The following PACRG variants were observed in gnomAD, a reference collection of about 807,000 sequenced individuals.
The protein encoded by PACRG is parkin coregulated gene protein.
In PACRG, 29 loss-of-function variants were observed where a neutral mutation model predicts 29.7. The observed-to-expected ratio is 0.98, with a 90% CI of 0.73 to 1.33. PACRG has a LOEUF of 1.33. Among genes scored for constraint, PACRG ranks in the 40% most tolerant of loss-of-function variants. PACRG has a pLI of 0.00. For synonymous variants in PACRG, 116 were observed against 118.7 expected (o/e 0.98, Z 0.15); for missense variants, 279 against 316.2 (o/e 0.88, Z 0.89).
At chr6:162,948,544 A>G (rs959819902) in intron 2 of PACRG, among the ~76,000 whole-genome samples, 1 of 152,154 alleles carries the variant, frequency 6.6e-6, no homozygotes, top group Non-Finnish European at 1.5e-5. Context: ...AAATTGGACT[A>G]TATCAAACTA....
chr6:163,153,506 T>C (rs1310447787), intron 4 of PACRG, among the ~76,000 whole-genome samples: 1 of 152,246 alleles, frequency 6.6e-6, no homozygotes, highest in African/African-American at 2.4e-5. Flanking sequence ...AAATGGTGAA[T>C]TTTGTCATTG....
At chr6:163,078,813 T>G (rs1812798277) in intron 3 of PACRG, among the ~76,000 whole-genome samples, 1 of 152,202 alleles carries the variant, frequency 6.6e-6, no homozygotes, top group South Asian at 2.1e-4. Flanking sequence ...TCACTATTAC[T>G]AGTGGCTTAT....
intron 2 of PACRG, chr6:163,053,902 A>G (rs913182586): frequency 6.6e-6 from 1 of 152,186 alleles, no homozygotes; most frequent in Non-Finnish European, 1.5e-5. Flanking sequence ...TTAAAATTCA[A>G]TGCATGCCTA....
rs148617495 is a variant in PACRG, at chr6:163,139,041, A to G, written c.613+49633A>G. On this transcript the variant is annotated intron_variant, in intron 4 of 4. Coordinates refer to ENST00000366888, the MANE Select transcript of PACRG (RefSeq NM_001080379.2). ...TAGTTTCCTGTGGCTGCTGTAACAGATGACCACAAACTTGGTGGCTTGCAG... is the reference window on the plus strand; with the variant it reads ...TAGTTTCCTGTGGCTGCTGTAACAGGTGACCACAAACTTGGTGGCTTGCAG... 8.5e-5 allele frequency among the ~76,000 whole-genome samples: 13 copies of G among 152,354 alleles called. No homozygotes were observed. The East Asian group carries it at 2.5e-3, about 29-fold the overall frequency.
chr6:162,863,330 G>A (rs150650059), intron 2 of PACRG, among the ~76,000 whole-genome samples: 2,661 of 152,308 alleles, frequency 0.017, 45 homozygotes, highest in Admixed American at 0.034. Flanking sequence ...TCCCTCCAGC[G>A]CAGTGATTGA....
chr6:163,132,256 T>G (rs1816770683), intron 4 of PACRG, among the ~76,000 whole-genome samples: 1 of 152,222 alleles, frequency 6.6e-6, no homozygotes, highest in Non-Finnish European at 1.5e-5. Context: ...TTAACATGAC[T>G]TTTTAATAGC....
intron 2 of PACRG, among the ~76,000 whole-genome samples, chr6:162,958,977 G>T (rs1183900895): frequency 6.8e-6 from 1 of 147,114 alleles, no homozygotes; most frequent in African/African-American, 2.5e-5. Context: ...GAATGTAGTG[G>T]TGTGATCATG....
chr6:162,735,245 A>G (rs951951708), intron 1 of PACRG, among the ~76,000 whole-genome samples: 1 of 152,196 alleles, frequency 6.6e-6, no homozygotes. Flanking sequence ...CGCATGACCA[A>G]GGACATATTT....
intron 2 of PACRG, among the ~76,000 whole-genome samples, chr6:162,959,688 T>C (rs1361519312): frequency 1.3e-5 from 2 of 152,076 alleles, no homozygotes; most frequent in African/African-American, 4.8e-5. Context: ...GGAGCAAGTG[T>C]AGGAAAAAGG....
chr6:162,947,471 ATATATATATAATCATATATATAC>A (rs1799197336), intron 2 of PACRG, among the ~76,000 whole-genome samples: 1 of 12,804 alleles, frequency 7.8e-5, no homozygotes, highest in Admixed American at 9.6e-4. Context: ...ATCATATATA[ATATATATATAATCATATATATAC>A]TCATATATAT....
At chr6:163,249,921 T>C (rs938529596) in intron 4 of PACRG, among the ~76,000 whole-genome samples, 1 of 152,176 alleles carries the variant, frequency 6.6e-6, no homozygotes, top group Non-Finnish European at 1.5e-5. Flanking sequence ...AGTCTGAGGC[T>C]AAGTATTTGC....
chr6:162,960,671 G>A (rs1584878963), intron 2 of PACRG, among the ~76,000 whole-genome samples: 1 of 152,206 alleles, frequency 6.6e-6, no homozygotes, highest in East Asian at 1.9e-4. Context: ...TCACTACCTG[G>A]ATGCAATATA....
intron 4 of PACRG, among the ~76,000 whole-genome samples, chr6:163,280,239 C>T (rs1053117958): frequency 1.3e-5 from 2 of 152,194 alleles, no homozygotes; most frequent in African/African-American, 4.8e-5. Context: ...TGTGTTGTTG[C>T]TGCCGTGTCC....
At position 162,853,282 on chromosome 6, in the gene PACRG, A is replaced by G. The variant is rs1273671453; in HGVS notation, c.291+39001A>G. ...CAAAGCTTTGTGTACCCAGTATAAA[A>G]ATCTCTGCTCCAGAATGGCTTGATC... On this transcript the variant is annotated intron_variant, in intron 2 of 4. Coordinates refer to ENST00000366888, the MANE Select transcript of PACRG (RefSeq NM_001080379.2). This position sits in a 1 kb window ranked among gnomAD's most constrained non-coding sequence, Gnocchi z 4.7. Among the ~76,000 whole-genome samples the G allele has an allele frequency of 6.6e-6, 1 of 152,162 alleles. No individual in the cohort carries two copies. Among genetic ancestry groups the G allele is most frequent in the African/African-American group, 2.4e-5 (1 of 41,428 alleles).
At chr6:162,954,357 G>T (rs528616985) in intron 2 of PACRG, among the ~76,000 whole-genome samples, 1 of 151,980 alleles carries the variant, frequency 6.6e-6, no homozygotes, top group Admixed American at 6.6e-5. Flanking sequence ...TGAAAAACAT[G>T]GGTAATGTAT....
Position 163,089,292 on chromosome 6 carries a change from G to C in PACRG, c.497G>C (p.Cys166Ser). ...AACCTCCGAAACCGACAGGTCATCT[G>C]TGTCACTCTCAAGGTCCTCCAGCAT... ...ALNLRNRQVI[C>S]VTLKVLQHLV... Residue 166 changes from cysteine to serine, a missense_variant, in exon 4 of 5, where the codon TGT becomes TCT. Cys to Ser is a moderately radical substitution (Grantham distance 112). Coordinates refer to ENST00000366888, the MANE Select transcript of PACRG (RefSeq NM_001080379.2). 1.9e-6 allele frequency: 3 copies of C among 1,614,084 alleles called. No homozygotes were observed. Among genetic ancestry groups the C allele is most frequent in the Non-Finnish European group, 2.5e-6 (3 of 1,180,002 alleles).
intron 2 of PACRG, among the ~76,000 whole-genome samples, chr6:162,878,773 G>A (rs959863288): frequency 6.6e-6 from 1 of 152,226 alleles, no homozygotes; most frequent in Non-Finnish European, 1.5e-5. Flanking sequence ...TGTTTCTAGC[G>A]GTAGTTTACC....
At chr6:163,259,903 G>A (rs368557982) in intron 4 of PACRG, among the ~76,000 whole-genome samples, 72 of 152,284 alleles carry the variant, frequency 4.7e-4, no homozygotes, top group African/African-American at 1.7e-3. Context: ...GCTGATGGAG[G>A]AAGGAGAACA....
intron 4 of PACRG, among the ~76,000 whole-genome samples, chr6:163,226,696 A>G (rs1781816987): frequency 6.6e-6 from 1 of 152,184 alleles, no homozygotes; most frequent in Non-Finnish European, 1.5e-5. Flanking sequence ...GGCAGAGGGC[A>G]ATTCCCAGGG....
Sources: gnomAD v4.1 joint callset for allele counts (sites outside exome capture counted in the v4.1 genomes callset) on GRCh38, gnomAD v4.1.1 for gene constraint, Gnocchi (gnomAD v3.1) non-coding constraint, MANE v1.5 for transcripts, NCBI Gene and HGNC (gene_info 2026-07-23, HGNC 2026-07-21) for gene names.